LHFPL3: variants seen among roughly 807,000 people sequenced by gnomAD.
LHFPL3 encodes the protein LHFPL tetraspan subfamily member 3 protein.
LHFPL3 carries 5 observed loss-of-function variants against 19.3 expected under a neutral mutation model. That is an observed-to-expected ratio of 0.26 (90% CI 0.14 to 0.54). The LOEUF (loss-of-function observed/expected upper bound fraction) is 0.54. Ranked by LOEUF, LHFPL3 falls within the 20% of genes least tolerant of loss-of-function variation. LHFPL3 has a pLI of 0.94. For synonymous variants in LHFPL3, 133 were observed against 126.2 expected, an observed-to-expected ratio of 1.05 and a Z score of -0.36; for missense variants, 249 against 307.4, an observed-to-expected ratio of 0.81 and a Z score of 1.42.
At chr7:104,434,546 A>C (rs1187435509) in intron 1 of LHFPL3, among the ~76,000 whole-genome samples, 2 of 152,226 alleles carry the variant, frequency 1.3e-5, no homozygotes, top group Non-Finnish European at 2.9e-5. Context: ...AAAAAAGTGA[A>C]CTTAGATGCA....
intron 2 of LHFPL3, among the ~76,000 whole-genome samples, chr7:104,792,935 G>A (rs998256510): frequency 1.3e-4 from 19 of 151,940 alleles, no homozygotes; most frequent in African/African-American, 2.9e-4. Flanking sequence ...AGCTCTTGTC[G>A]CCCAGGCTGG....
chr7:104,462,838 A>G (rs1792698343), intron 1 of LHFPL3, among the ~76,000 whole-genome samples: 1 of 152,060 alleles, frequency 6.6e-6, no homozygotes, highest in East Asian at 1.9e-4. Context: ...TTGTACATCT[A>G]CTAGAATTCG....
At chr7:104,778,596 G>A (rs1280658270) in intron 2 of LHFPL3, among the ~76,000 whole-genome samples, 1 of 152,172 alleles carries the variant, frequency 6.6e-6, no homozygotes, top group East Asian at 1.9e-4. Flanking sequence ...AACATCCACT[G>A]TATCTCCCAA....
intron 1 of LHFPL3, among the ~76,000 whole-genome samples, chr7:104,482,138 C>T (rs1793148986): frequency 6.6e-6 from 1 of 152,204 alleles, no homozygotes; most frequent in African/African-American, 2.4e-5. Context: ...GGTGAAATAA[C>T]TCTGTAGTGC....
chr7:104,572,176 T>C (rs1318367097), intron 1 of LHFPL3, among the ~76,000 whole-genome samples: 1 of 152,244 alleles, frequency 6.6e-6, no homozygotes, highest in Non-Finnish European at 1.5e-5. Flanking sequence ...AATCTATTTG[T>C]GTTGGTGCAA....
At chr7:104,583,690 A>G (rs1790507397) in intron 1 of LHFPL3, among the ~76,000 whole-genome samples, 1 of 151,964 alleles carries the variant, frequency 6.6e-6, no homozygotes, top group Non-Finnish European at 1.5e-5. Flanking sequence ...TTATACAGCC[A>G]AAAAACACAT....
chr7:104,755,579 C>G, intron 2 of LHFPL3, among the ~76,000 whole-genome samples: 1 of 124,482 alleles, frequency 8.0e-6, no homozygotes, highest in Non-Finnish European at 1.8e-5. Flanking sequence ...ACCCCCAACA[C>G]CACCACACAC....
chr7:104,430,433 TATATATATATATATATATATA>T (rs1791966954), intron 1 of LHFPL3, among the ~76,000 whole-genome samples: 1 of 13,684 alleles, frequency 7.3e-5, no homozygotes, highest in Admixed American at 1.0e-3. Context: ...TATATATATA[TATATATATATATATATATATA>T]TTTTTTTTTT....
intron 1 of LHFPL3, among the ~76,000 whole-genome samples, chr7:104,548,677 A>G (rs751630703): frequency 3.0e-4 from 45 of 152,218 alleles, no homozygotes; most frequent in African/African-American, 5.8e-4. Context: ...AGCTTGGCCA[A>G]CCCTGGATTT....
chr7:104,539,887 A>G (rs1231404850), intron 1 of LHFPL3, among the ~76,000 whole-genome samples: 1 of 152,168 alleles, frequency 6.6e-6, no homozygotes, highest in Non-Finnish European at 1.5e-5. Context: ...CTCACAAAAT[A>G]AAAAGTTGGG....
intron 1 of LHFPL3, among the ~76,000 whole-genome samples, chr7:104,555,015 T>G (rs1348190373): frequency 6.6e-6 from 1 of 152,176 alleles, no homozygotes; most frequent in African/African-American, 2.4e-5. Context: ...CCTTTTGGTT[T>G]TATCCAGGCT....
chr7:104,839,704 T>C (rs576368565), intron 2 of LHFPL3, among the ~76,000 whole-genome samples: 1 of 152,046 alleles, frequency 6.6e-6, no homozygotes, highest in African/African-American at 2.4e-5. Context: ...AAAATTAAAT[T>C]AACATTTCTG....
At chr7:104,361,895 T>G (rs1013189598) in intron 1 of LHFPL3, among the ~76,000 whole-genome samples, 1 of 152,188 alleles carries the variant, frequency 6.6e-6, no homozygotes, top group Admixed American at 6.5e-5. Context: ...AATGTAAGAT[T>G]TGATGCTGCA....
intron 2 of LHFPL3, among the ~76,000 whole-genome samples, chr7:104,807,009 A>ATGTGTG (rs750104248): frequency 1.9e-3 from 137 of 71,356 alleles, no homozygotes; most frequent in Non-Finnish European, 3.1e-3. Flanking sequence ...ACCAAAATAT[A>ATGTGTG]TATGTGTGTG....
In LHFPL3 at chr7:104,872,710, C is replaced by T. The variant is rs113921290; in HGVS notation, c.683-33477C>T. ...ATATCACTATCTTCCACCTCCACATCTGGTCCCACTGGAAGGTCCTTGGGG... is the reference window on the plus strand; with the variant it reads ...ATATCACTATCTTCCACCTCCACATTTGGTCCCACTGGAAGGTCCTTGGGG... On this transcript the variant is annotated intron_variant, in intron 2 of 2. Transcript: ENST00000424859. Among the ~76,000 whole-genome samples the T allele has an allele frequency of 5.4e-3, 821 of 152,204 alleles. 6 individuals carry two copies. Among genetic ancestry groups the T allele is most frequent in the Non-Finnish European group, 8.2e-3 (559 of 68,026 alleles).
intron 1 of LHFPL3, among the ~76,000 whole-genome samples, chr7:104,596,342 A>T (rs1437532059): frequency 6.6e-6 from 1 of 152,224 alleles, no homozygotes; most frequent in Admixed American, 6.5e-5. Context: ...GAGAGAATTT[A>T]TTTGTTGAGA....
intron 1 of LHFPL3, among the ~76,000 whole-genome samples, chr7:104,526,886 G>A (rs547809617): frequency 2.0e-5 from 3 of 152,290 alleles, no homozygotes; most frequent in Admixed American, 2.0e-4. Context: ...TGCCCATATG[G>A]TGCATACACT....
intron 1 of LHFPL3, among the ~76,000 whole-genome samples, chr7:104,493,666 A>G (rs1457193866): frequency 6.6e-6 from 1 of 150,778 alleles, no homozygotes; most frequent in Non-Finnish European, 1.5e-5. Context: ...ATGTCAATTA[A>G]TTTTCAGATA....
At chr7:104,624,922 T>C (rs1791515320) in intron 1 of LHFPL3, among the ~76,000 whole-genome samples, 1 of 152,242 alleles carries the variant, frequency 6.6e-6, no homozygotes, top group African/African-American at 2.4e-5. Context: ...AAAAGAACTT[T>C]TGAGGCATGT....
Sources: allele counts gnomAD v4.1 joint callset (sites outside exome capture counted in the v4.1 genomes callset), GRCh38; gene constraint gnomAD v4.1.1; transcripts MANE v1.5; gene names NCBI Gene and HGNC (gene_info 2026-07-23, HGNC 2026-07-21).